Variants in AK9 observed in about 807,000 individuals in gnomAD.
AK9 encodes adenylate kinase domain containing 1.
A neutral mutation model predicts 239.6 loss-of-function variants in AK9; 191 were observed. The observed-to-expected ratio is 0.80, with a 90% CI of 0.71 to 0.90. The LOEUF is 0.90. Among genes scored for constraint, AK9 ranks in the 40% least tolerant of loss-of-function variants. AK9 has a pLI of 0.00. For missense variants in AK9, 1,995 were observed against 2,214.7 expected (o/e 0.90, Z 1.99); for synonymous variants, 689 against 721.0 (o/e 0.96, Z 0.71).
chr6:109,528,665 A>C, intron 29 of AK9: 1 of 468,796 alleles, frequency 2.1e-6, no homozygotes, highest in Non-Finnish European at 4.3e-6. Flanking sequence ...ACGGAAGTCC[A>C]GCATATTCAC....
rs72357621 is a variant in AK9, at chr6:109,497,384, T to TCA, written c.5315+79_5315+80dup. Reference sequence around the variant, plus strand: ...CACACTCTCTCTCTCTCTCTCTCTCTCACACACTCCTCTCCCCCGTTCCCA... The same window carrying TCA: ...CACACTCTCTCTCTCTCTCTCTCTCTCACACACACTCCTCTCCCCCGTTCCCA... On this transcript the variant is annotated intron_variant, in intron 38 of 40. Transcript: ENST00000424296. The TCA allele has an allele frequency of 6.5e-3, 3,231 of 500,108 alleles. 98 individuals carry two copies. The highest frequency in any genetic ancestry group is 0.061 in the African/African-American group (2,934 of 47,798). The allele number at this position is 500,108 out of a possible 1,614,324, so 31.0% of individuals were successfully genotyped here.
chr6:109,528,780 G>GGTTACAAGAGGTTCAGCCTTGAAAAGCT, intron 29 of AK9: 1 of 640,138 alleles, frequency 1.6e-6, no homozygotes, highest in Non-Finnish European at 2.8e-6. Flanking sequence ...ATGGAAATCA[G>GGTTACAAGAGGTTCAGCCTTGAAAAGCT]GTTACAAGAG....
rs996585461 is a variant in AK9, at chr6:109,614,623, G to A, written c.1400-143C>T. The A allele has an allele frequency of 6.1e-6, 4 of 657,540 alleles. No homozygotes were observed. In the African/African-American group the frequency reaches 7.3e-5, roughly 12 times the overall value. The allele number at this position is 657,540 out of a possible 1,614,324, so 40.7% of individuals were successfully genotyped here. On this transcript the variant is annotated intron_variant, in intron 13 of 40. Coordinates refer to ENST00000424296, the MANE Select transcript of AK9 (RefSeq NM_001145128.3). Reference sequence around the variant, plus strand: ...AAGCTGTAAGGGCTGTGTGACTTTGGTAAATCACTTGATCTTTTTGTCTCA... The same window carrying A: ...AAGCTGTAAGGGCTGTGTGACTTTGATAAATCACTTGATCTTTTTGTCTCA...
intron 12 of AK9, among the ~76,000 whole-genome samples, chr6:109,630,644 G>A (rs921534242): frequency 2.0e-5 from 3 of 152,060 alleles, no homozygotes; most frequent in African/African-American, 7.2e-5. Context: ...GAGCTCCTGA[G>A]ATCAGCCTGG....
chr6:109,690,797 GACA>G (rs1202755053), intron 1 of AK9: 2 of 153,150 alleles, frequency 1.3e-5, no homozygotes, highest in Admixed American at 1.3e-4. Context: ...AGTCTCTGTC[GACA>G]ACTTCAAGTG....
intron 12 of AK9, among the ~76,000 whole-genome samples, chr6:109,630,720 C>T: frequency 6.6e-6 from 1 of 152,044 alleles, no homozygotes; most frequent in East Asian, 1.9e-4. Context: ...TGGTGTGCAT[C>T]TGTCATCCCA....
At chr6:109,597,813 A>G (rs1791261190) in intron 17 of AK9, among the ~76,000 whole-genome samples, 1 of 152,206 alleles carries the variant, frequency 6.6e-6, no homozygotes, top group East Asian at 1.9e-4. Context: ...TTAGAAGGGT[A>G]AGGAAAGAAA....
chr6:109,653,359 T>C (rs1799242561), intron 8 of AK9, among the ~76,000 whole-genome samples: 1 of 152,228 alleles, frequency 6.6e-6, no homozygotes, highest in Admixed American at 6.5e-5. Context: ...TCTTAGCTTT[T>C]AAATTTCTGC....
At chr6:109,622,799 T>C (rs563228457) in intron 12 of AK9, among the ~76,000 whole-genome samples, 2 of 151,922 alleles carry the variant, frequency 1.3e-5, no homozygotes, top group Non-Finnish European at 2.9e-5. Flanking sequence ...TATCTACATA[T>C]CTTTGATAGT....
chr6:109,648,507 C>T (rs1280168945), intron 8 of AK9, among the ~76,000 whole-genome samples: 1 of 152,140 alleles, frequency 6.6e-6, no homozygotes, highest in Non-Finnish European at 1.5e-5. Context: ...TAGATAAATT[C>T]CTCGACACAT....
chr6:109,612,508 C>G (rs1053835646), intron 15 of AK9, among the ~76,000 whole-genome samples: 2 of 152,130 alleles, frequency 1.3e-5, no homozygotes, highest in Admixed American at 6.5e-5. Flanking sequence ...ACTTGGACTG[C>G]CTCCCCCAAA....
chr6:109,497,268 G>T (rs1186763731), intron 38 of AK9, among the ~76,000 whole-genome samples, 197 bp downstream of exon 38: 2 of 150,172 alleles, frequency 1.3e-5, no homozygotes, highest in African/African-American at 4.9e-5. Flanking sequence ...GTTGTTACCA[G>T]GCACTCAAAA....
At chr6:109,594,701 A>ACAC (rs1419997473) in intron 17 of AK9, among the ~76,000 whole-genome samples, 1 of 152,328 alleles carries the variant, frequency 6.6e-6, no homozygotes, top group Non-Finnish European at 1.5e-5. Context: ...CTCAGAAATA[A>ACAC]CACCACACAT....
chr6:109,629,469 T>C (rs541705695), intron 12 of AK9, among the ~76,000 whole-genome samples: 2 of 152,222 alleles, frequency 1.3e-5, no homozygotes, highest in Non-Finnish European at 2.9e-5. Context: ...CAGCAACATT[T>C]GAGACTCCGT....
Position 109,636,213 on chromosome 6 carries a change from C to T in AK9, c.934-2890G>A, listed in dbSNP as rs115008238. Among the ~76,000 whole-genome samples, 883 of 152,186 alleles carry T rather than the reference C, an allele frequency of 5.8e-3. 7 individuals carry two copies. Among genetic ancestry groups the T allele is most frequent in the African/African-American group, 0.02 (845 of 41,514 alleles). On this transcript the variant is annotated intron_variant, in intron 10 of 40. Transcript: ENST00000424296. ...ATGCCCATGTCCTCATCTACCTGCA[C>T]AGCCCCTCCTCTCCTGCAACTCAGC... is the stretch of plus-strand genomic sequence containing the variant.
chr6:109,529,884 C>T (rs1231247001), intron 28 of AK9, among the ~76,000 whole-genome samples: 2 of 152,088 alleles, frequency 1.3e-5, no homozygotes, highest in Non-Finnish European at 2.9e-5. Context: ...ACTCACTTGC[C>T]CACTCACTGC....
At chr6:109,581,190 C>T (rs1484952176) in intron 19 of AK9, among the ~76,000 whole-genome samples, 1 of 152,076 alleles carries the variant, frequency 6.6e-6, no homozygotes, top group Non-Finnish European at 1.5e-5. Flanking sequence ...AGACACAATA[C>T]TATTGAAATG....
At chr6:109,681,501 A>T (rs1772633738) in intron 1 of AK9, among the ~76,000 whole-genome samples, 1 of 152,196 alleles carries the variant, frequency 6.6e-6, no homozygotes, top group Admixed American at 6.5e-5. Context: ...ATAATGGGAG[A>T]CTTTAACACC....
intron 20 of AK9, 62 bp downstream of exon 20, chr6:109,579,488 A>G: frequency 6.9e-7 from 1 of 1,452,486 alleles, no homozygotes; most frequent in Non-Finnish European, 9.4e-7. Flanking sequence ...CACTTGAAAT[A>G]CTGCAATTGC....
Sources: gnomAD v4.1 joint callset for allele counts (sites outside exome capture counted in the v4.1 genomes callset) on GRCh38, gnomAD v4.1.1 for gene constraint, MANE v1.5 for transcripts, NCBI Gene and HGNC (gene_info 2026-07-23, HGNC 2026-07-21) for gene names.